Variants in ZBTB20 observed in about 807,000 individuals in gnomAD.
ZBTB20 encodes the protein zinc finger and BTB domain containing 20.
In ZBTB20, 9 loss-of-function variants were observed where a neutral mutation model predicts 56.9. That is an observed-to-expected ratio of 0.16 (90% confidence interval 0.10 to 0.28). The LOEUF is 0.28. Ranked by LOEUF, ZBTB20 falls within the 10% of genes least tolerant of loss-of-function variation. The pLI is 1.00. For missense variants in ZBTB20, 655 were observed against 1,003.0 expected (o/e 0.65, Z 4.69); for synonymous variants, 417 against 420.7 (o/e 0.99, Z 0.11).
intron 7 of ZBTB20, among the ~76,000 whole-genome samples, chr3:114,452,916 T>TA (rs1485367829): frequency 6.6e-6 from 1 of 151,330 alleles, no homozygotes; most frequent in Non-Finnish European, 1.5e-5. Context: ...ATAATGTACC[T>TA]TAAAAAGATT....
chr3:114,440,536 A>T (rs765294757), intron 7 of ZBTB20, among the ~76,000 whole-genome samples: 28 of 152,140 alleles, frequency 1.8e-4, no homozygotes, highest in Non-Finnish European at 7.4e-5. Context: ...ATTATAAACT[A>T]TTGATAAATG....
chr3:114,358,099 C>G (rs1226398871), intron 10 of ZBTB20, among the ~76,000 whole-genome samples: 1 of 152,140 alleles, frequency 6.6e-6, no homozygotes, highest in African/African-American at 2.4e-5. Context: ...CCTTTAACAT[C>G]TTTTGACTGT....
chr3:114,614,747 T>C (rs1249301353), intron 6 of ZBTB20, among the ~76,000 whole-genome samples: 2 of 151,780 alleles, frequency 1.3e-5, no homozygotes, highest in African/African-American at 4.8e-5. Flanking sequence ...TTTTGTTTGT[T>C]TGTTTGTTTG....
chr3:115,069,450 C>G (rs2082326799), intron 2 of ZBTB20, among the ~76,000 whole-genome samples: 1 of 152,132 alleles, frequency 6.6e-6, no homozygotes, highest in Non-Finnish European at 1.5e-5. Context: ...ATGCCACGAA[C>G]TCTCCATATC....
intron 6 of ZBTB20, among the ~76,000 whole-genome samples, chr3:114,647,109 C>A (rs933469478): frequency 5.9e-5 from 9 of 152,080 alleles, no homozygotes; most frequent in Non-Finnish European, 1.2e-4. Context: ...CAGGCACCTG[C>A]CACCACGCCC....
chr3:115,061,115 G>C (rs1342955577), intron 2 of ZBTB20, among the ~76,000 whole-genome samples: 3 of 152,042 alleles, frequency 2.0e-5, no homozygotes, highest in African/African-American at 7.3e-5. Flanking sequence ...TGTTCTGATA[G>C]ACAGCAGTGT....
intron 5 of ZBTB20, among the ~76,000 whole-genome samples, chr3:114,708,772 T>C (rs1179120492): frequency 1.3e-5 from 2 of 152,162 alleles, no homozygotes; most frequent in Admixed American, 6.5e-5. Context: ...AAATATTGTT[T>C]AAGAAGTGAT....
chr3:114,866,840 G>A (rs746067235), intron 4 of ZBTB20, among the ~76,000 whole-genome samples: 2 of 152,100 alleles, frequency 1.3e-5, no homozygotes, highest in African/African-American at 2.4e-5. Context: ...GGACTAATAC[G>A]TTGGACTAAC....
intron 4 of ZBTB20, among the ~76,000 whole-genome samples, chr3:114,810,664 T>C (rs1450051878): frequency 1.3e-5 from 2 of 152,334 alleles, no homozygotes; most frequent in Non-Finnish European, 2.9e-5. Context: ...TTCTGTGATA[T>C]GATTTATGAC....
At chr3:114,439,530 G>A (rs1401613521) in intron 7 of ZBTB20, among the ~76,000 whole-genome samples, 1 of 152,036 alleles carries the variant, frequency 6.6e-6, no homozygotes, top group Non-Finnish European at 1.5e-5. Context: ...GCTATTGGAG[G>A]GTAACATCAT....
chr3:114,571,301 T>TA (rs1410150753), intron 6 of ZBTB20, among the ~76,000 whole-genome samples: 1 of 152,082 alleles, frequency 6.6e-6, no homozygotes, highest in Non-Finnish European at 1.5e-5. Flanking sequence ...AGCAATTCTA[T>TA]AAAAAACAAG....
At chr3:115,079,245 A>T (rs915831845) in intron 1 of ZBTB20, among the ~76,000 whole-genome samples, 1 of 152,210 alleles carries the variant, frequency 6.6e-6, no homozygotes, top group Non-Finnish European at 1.5e-5. Context: ...ATGTTCAAGA[A>T]GTTTCCACTT....
At chr3:114,670,921 A>T (rs2061327845) in intron 6 of ZBTB20, among the ~76,000 whole-genome samples, 1 of 152,226 alleles carries the variant, frequency 6.6e-6, no homozygotes, top group South Asian at 2.1e-4. Flanking sequence ...ATCCCATTAC[A>T]AAGAACTTGA....
At chr3:114,720,057 A>C (rs2064804327) in intron 5 of ZBTB20, among the ~76,000 whole-genome samples, 2 of 150,422 alleles carry the variant, frequency 1.3e-5, no homozygotes, top group Non-Finnish European at 3.0e-5. Flanking sequence ...ATGTAGGAGA[A>C]ATAATTCTTA....
intron 2 of ZBTB20, among the ~76,000 whole-genome samples, chr3:115,025,803 T>C (rs1259771204): frequency 2.7e-5 from 4 of 150,144 alleles, no homozygotes; most frequent in African/African-American, 7.3e-5. Flanking sequence ...CATGAAATTT[T>C]AGTTGCTACA....
At chr3:114,580,891 A>G (rs1197562703) in intron 6 of ZBTB20, among the ~76,000 whole-genome samples, 2 of 152,040 alleles carry the variant, frequency 1.3e-5, no homozygotes, top group East Asian at 1.9e-4. Context: ...TTCTAATGTT[A>G]ATGTAATTAC....
intron 6 of ZBTB20, among the ~76,000 whole-genome samples, chr3:114,514,620 A>C (rs2045775255): frequency 6.6e-6 from 1 of 152,182 alleles, no homozygotes; most frequent in Non-Finnish European, 1.5e-5. Flanking sequence ...TCCAATAGTA[A>C]GTAATGGGGA....
chr3:114,327,215 T>A lies in ZBTB20; in HGVS notation c.*11790A>T, dbSNP rs1418234982. ...CATTAATCTGAGACTAACACAGAGG[T>A]TGTGGTGAGAAATTCTGGGTCTTGG... On this transcript the variant is annotated 3_prime_UTR_variant, in exon 12 of 12. Coordinates refer to ENST00000675478, the MANE Select transcript of ZBTB20 (RefSeq NM_001348800.3). 1.3e-5 allele frequency: 2 copies of A among 151,730 alleles called. No individual in the cohort carries two copies. Among genetic ancestry groups the A allele is most frequent in the Non-Finnish European group, 2.9e-5 (2 of 67,948 alleles). The allele number at this position is 151,730 out of a possible 1,614,324, so 9.4% of individuals were successfully genotyped here. A position where few individuals can be genotyped will look rare whatever the true frequency, so the allele number is the denominator to read the frequency against.
At chr3:114,812,275 G>A (rs2072589534) in intron 4 of ZBTB20, among the ~76,000 whole-genome samples, 1 of 152,136 alleles carries the variant, frequency 6.6e-6, no homozygotes, top group Admixed American at 6.5e-5. Flanking sequence ...GCTGATTGGT[G>A]CGTTTACAAT....
Sources: allele counts gnomAD v4.1 joint callset (sites outside exome capture counted in the v4.1 genomes callset), GRCh38; gene constraint gnomAD v4.1.1; transcripts MANE v1.5; gene names NCBI Gene and HGNC (gene_info 2026-07-23, HGNC 2026-07-21).